The following RTEL1 variants were observed in gnomAD, a reference collection of about 807,000 sequenced individuals.
RTEL1 encodes the protein regulator of telomere elongation helicase 1, also known as regulator of telomere length.
A neutral mutation model predicts 162.2 loss-of-function variants in RTEL1; 86 were observed. That is an observed-to-expected ratio of 0.53 (90% confidence interval 0.45 to 0.63). The LOEUF (loss-of-function observed/expected upper bound fraction) is 0.63, where lower values mean the gene tolerates loss of function less well. Among genes scored for constraint, RTEL1 ranks in the 30% least tolerant of loss-of-function variants. RTEL1 has a pLI of 0.00. For missense variants in RTEL1, 1,941 were observed against 1,750.2 expected, an observed-to-expected ratio of 1.11 and a Z score of -1.95; for synonymous variants, 958 against 717.9, an observed-to-expected ratio of 1.33 and a Z score of -5.35.
intron 28 of RTEL1, 123 bp from the exon 29 acceptor site, chr20:63,692,682 C>A: frequency 1.1e-6 from 1 of 943,332 alleles, no homozygotes; most frequent in Non-Finnish European, 1.6e-6. Context: ...GTTTCTCAGG[C>A]AGCAGCCCCA....
At chr20:63,687,850 G>A in intron 17 of RTEL1, 80 bp downstream of exon 17, 1 of 1,562,580 alleles carries the variant, frequency 6.4e-7, no homozygotes, top group Non-Finnish European at 8.7e-7. Flanking sequence ...GGGTCCCCAT[G>A]AGCCGGGTGC....
chr20:63,689,099 C>T lies in RTEL1; in HGVS notation c.1845C>T (p.Thr615=), dbSNP rs747169885. ...CAAGGGTTGCCGCCCCTGGGTCCAC[C>T]GGCGCCACCTTCCTGGCGGTCTGCC... ...YYARVAAPGS[T]GATFLAVCRG... The change falls in exon 22 of 35, where the codon ACC becomes ACT. Residue 615 remains threonine (T), a synonymous_variant. Coordinates refer to ENST00000360203, the MANE Select transcript of RTEL1 (RefSeq NM_001283009.2). 1.6e-5 allele frequency: 25 copies of T among 1,610,464 alleles called. No homozygotes were observed. The highest frequency in any genetic ancestry group is 5.3e-5 in the African/African-American group (4 of 74,930).
At chr20:63,677,141 C>T (rs2090371278) in intron 10 of RTEL1, among the ~76,000 whole-genome samples, 1 of 152,196 alleles carries the variant, frequency 6.6e-6, no homozygotes, top group African/African-American at 2.4e-5. Context: ...TCATGTCCTG[C>T]TCCAGACCTG....
At position 63,687,635 on chromosome 20, in the gene RTEL1, C is replaced by T. The variant is rs1208598698; in HGVS notation, c.1349-3C>T. On this transcript the variant is annotated splice_polypyrimidine_tract_variant and splice_region_variant and intron_variant, in intron 16 of 34. Coordinates refer to ENST00000360203, the MANE Select transcript of RTEL1 (RefSeq NM_001283009.2). ...GTGCCCTCTGCCGCCCCCCGCCCCA[C>T]AGGGAAGGTGCTGAGCTACTGGTGC... 3.1e-6 allele frequency: 5 copies of T among 1,604,506 alleles called. No individual in the cohort carries two copies. The South Asian group carries it at 5.5e-5, about 18-fold the overall frequency.
At chr20:63,679,513 G>A (rs2090438640) in intron 12 of RTEL1, among the ~76,000 whole-genome samples, 1 of 152,108 alleles carries the variant, frequency 6.6e-6, no homozygotes, top group African/African-American at 2.4e-5. Flanking sequence ...CTGCTCTGAG[G>A]CGGCTTCTTT....
At chr20:63,666,589 G>A (rs1211279351) in intron 7 of RTEL1, among the ~76,000 whole-genome samples, 2 of 152,172 alleles carry the variant, frequency 1.3e-5, no homozygotes, top group Non-Finnish European at 2.9e-5. Flanking sequence ...AGGCTGCAGT[G>A]CAGTGTCACA....
intron 24 of RTEL1, 24 bp from the exon 25 acceptor site, chr20:63,690,063 A>T: frequency 6.8e-6 from 11 of 1,606,906 alleles, no homozygotes; most frequent in Non-Finnish European, 8.5e-6. Context: ...TGGGCAGGGC[A>T]GCAGGGCTAT....
rs2090716585 is a variant in RTEL1, at chr20:63,690,672, C to T, written c.2414-133C>T. ...ATGCCCCCCGAGGCTGAGACTCCCC[C>T]CAATAGCAGGGAGGACACCCACAGG... On this transcript the variant is annotated intron_variant, in intron 26 of 34. Transcript: ENST00000360203. 3 of 1,108,420 alleles carry T rather than the reference C, an allele frequency of 2.7e-6. No individual in the cohort carries two copies. The African/African-American group carries it at 4.7e-5, about 18-fold the overall frequency. 68.7% of individuals were successfully genotyped at this position (1,108,420 alleles called of 1,614,324 possible).
chr20:63,695,535 G>A lies in RTEL1; in HGVS notation c.3707G>A (p.Gly1236Glu). 2 of 1,612,336 alleles carry A rather than the reference G, an allele frequency of 1.2e-6. No homozygotes were observed. The highest frequency in any genetic ancestry group is 2.2e-5 in the East Asian group (1 of 44,866). Residue 1236 changes from glycine to glutamate, a missense_variant, in exon 34 of 35, where the codon GGG becomes GAG. Coordinates refer to ENST00000360203, the MANE Select transcript of RTEL1 (RefSeq NM_001283009.2). Reference protein sequence around the residue: ...AGQQATGAPGGPLSAGCVCQG... With the variant: ...AGQQATGAPGEPLSAGCVCQG... ...CAGCAGGCCACGGGAGCTCCGGGCG[G>A]GCCCCTCTCAGCAGGCTGTGTGTGC...
Position 63,680,679 on chromosome 20 carries a change from C to T in RTEL1, c.1151C>T (p.Thr384Ile). 2 of 1,613,252 alleles carry T rather than the reference C, an allele frequency of 1.2e-6. No homozygotes were observed. The highest frequency in any genetic ancestry group is 8.5e-7 in the Non-Finnish European group (1 of 1,179,988). Reference protein sequence around the residue: ...QHLAGRAGVFTNTAGLQKLAD... With the variant: ...QHLAGRAGVFINTAGLQKLAD... ...TGCCCTCCAGGTGCTGGAGTGTTCACCAACACGGCCGGACTGCAGAAGCTG... is the reference window on the plus strand; with the variant it reads ...TGCCCTCCAGGTGCTGGAGTGTTCATCAACACGGCCGGACTGCAGAAGCTG... The change falls in exon 14 of 35, where the codon ACC becomes ATC. Residue 384 changes from threonine (T) to isoleucine (I), a missense_variant. Thr to Ile is a moderately conservative substitution (Grantham distance 89). Coordinates refer to ENST00000360203, the MANE Select transcript of RTEL1 (RefSeq NM_001283009.2).
At chr20:63,694,534 C>T (rs1190161182) in intron 31 of RTEL1, 46 bp downstream of exon 31, 4 of 1,470,136 alleles carry the variant, frequency 2.7e-6, no homozygotes, top group Non-Finnish European at 3.8e-6. Flanking sequence ...TGGTGGGTCC[C>T]TCAGTGGCTT....
chr20:63,666,403 G>C (rs1199471914), intron 7 of RTEL1, among the ~76,000 whole-genome samples: 4 of 152,264 alleles, frequency 2.6e-5, no homozygotes, highest in Non-Finnish European at 5.9e-5. Context: ...AGCGTTGTGG[G>C]TATAGCTTCC....
chr20:63,672,969 C>G (rs1423040069), intron 9 of RTEL1, among the ~76,000 whole-genome samples: 1 of 152,238 alleles, frequency 6.6e-6, no homozygotes, highest in Non-Finnish European at 1.5e-5. Context: ...TGCAGTGTCT[C>G]TGCCCTTCCG....
chr20:63,693,516 A>ACCACCACCTCCACCACCACCT (rs2090853423), intron 30 of RTEL1, among the ~76,000 whole-genome samples: 1 of 14,856 alleles, frequency 6.7e-5, no homozygotes. Context: ...CACCTCCTCC[A>ACCACCACCTCCACCACCACCT]CCACCACCAC....
Position 63,690,364 on chromosome 20 carries a change from C to G in RTEL1, c.2336C>G (p.Ser779Trp). 6.2e-7 allele frequency: 1 copy of G among 1,611,830 alleles called. No individual in the cohort carries two copies. The highest frequency in any genetic ancestry group is 8.5e-7 in the Non-Finnish European group (1 of 1,179,478). The change falls in exon 26 of 35, where the codon TCG (serine) becomes TGG (tryptophan). Residue 779 changes from serine (S) to tryptophan (W), a missense_variant. Coordinates refer to ENST00000360203, the MANE Select transcript of RTEL1 (RefSeq NM_001283009.2). ...GAAGATGCTGTCAGCGAGGCCAAGT[C>G]GCCTGGCCCCTTCTTCTCCACCAGG... ...RGEDAVSEAK[S>W]PGPFFSTRKA... is the part of the protein sequence containing the mutation.
At chr20:63,690,473 G>A (rs2090709529) in intron 26 of RTEL1, 32 bp downstream of exon 26, 3 of 1,524,612 alleles carry the variant, frequency 2.0e-6, no homozygotes. Context: ...TGGGCGGTGT[G>A]GGGGTGGCGG....
chr20:63,695,689 C>A (rs1214537432), intron 34 of RTEL1, 39 bp downstream of exon 34: 1 of 1,609,818 alleles, frequency 6.2e-7, no homozygotes, highest in South Asian at 1.1e-5. Context: ...TGGGTGTAGC[C>A]CCAGGTGATG....
chr20:63,693,254 A>G lies in RTEL1; in HGVS notation c.2963A>G (p.Gln988Arg), dbSNP rs1357930914. ...CCTGAGCACAGCATTCCCCGAAGGC[A>G]GCGGGCACAGCCGGTCCTGGACCCC... ...YRPEHSIPRR[Q>R]RAQPVLDPTG... is the part of the protein sequence containing the mutation. The change falls in exon 30 of 35, where the codon CAG becomes CGG. Residue 988 changes from glutamine to arginine, a missense_variant. By Grantham distance (43) the Gln-to-Arg change is conservative (BLOSUM62 1). Transcript: ENST00000360203. 1.2e-6 allele frequency: 2 copies of G among 1,611,928 alleles called. No individual in the cohort carries two copies. The highest frequency in any genetic ancestry group is 1.3e-5 in the African/African-American group (1 of 74,944).
At position 63,687,428 on chromosome 20, in the gene RTEL1, C is replaced by T. The variant is rs566032489; in HGVS notation, c.1349-210C>T. The stretch of plus-strand genomic sequence containing the variant: ...GGGGTCTGCCTCCTACTCCCAGGAC[C>T]CCCTGTCCCCCAGAGGGGCCCCAAG... On this transcript the variant is annotated intron_variant, in intron 16 of 34. Transcript: ENST00000360203. The T allele has an allele frequency of 3.1e-5, 18 of 573,198 alleles. 1 individual carries two copies. In the South Asian group the frequency reaches 4.2e-4, roughly 13 times the overall value. 35.5% of individuals were successfully genotyped at this position (573,198 alleles called of 1,614,324 possible).
Sources: gnomAD v4.1 joint callset for allele counts (sites outside exome capture counted in the v4.1 genomes callset) on GRCh38, gnomAD v4.1.1 for gene constraint, MANE v1.5 for transcripts, NCBI Gene and HGNC (gene_info 2026-07-23, HGNC 2026-07-21) for gene names.